The following TOX variants were observed in gnomAD, a reference collection of about 807,000 sequenced individuals.
TOX encodes thymocyte selection associated high mobility group box.
In TOX, 11 loss-of-function variants were observed where a neutral mutation model predicts 53.7. That is an observed-to-expected ratio of 0.20 (90% CI 0.13 to 0.34). The LOEUF is 0.34. TOX is among the 10% of genes least tolerant of loss of function. The pLI is 1.00. For synonymous variants in TOX, 225 were observed against 245.3 expected (o/e 0.92, Z 0.77); for missense variants, 570 against 664.6 (o/e 0.86, Z 1.56).
chr8:59,027,892 G>A (rs929652597), intron 1 of TOX, among the ~76,000 whole-genome samples: 1 of 152,122 alleles, frequency 6.6e-6, no homozygotes, highest in Non-Finnish European at 1.5e-5. Flanking sequence ...CATTCACATG[G>A]TTGTTAGCTG....
intron 1 of TOX, among the ~76,000 whole-genome samples, chr8:59,010,006 A>C (rs1813871201): frequency 6.6e-6 from 1 of 152,226 alleles, no homozygotes; most frequent in Non-Finnish European, 1.5e-5. Flanking sequence ...TTGGAGTTTT[A>C]GTTTGGTTTG....
At chr8:58,946,045 C>T (rs1371133993) in intron 2 of TOX, among the ~76,000 whole-genome samples, 1 of 152,014 alleles carries the variant, frequency 6.6e-6, no homozygotes, top group Non-Finnish European at 1.5e-5. Context: ...ATGGTTATAA[C>T]TTTGTCAAAT....
chr8:58,893,060 T>A (rs1464384575), intron 3 of TOX, among the ~76,000 whole-genome samples: 1 of 152,224 alleles, frequency 6.6e-6, no homozygotes, highest in African/African-American at 2.4e-5. Context: ...TGTCTTTATA[T>A]TACTCTACTA....
At chr8:59,054,918 AAG>A (rs1803862603) in intron 1 of TOX, among the ~76,000 whole-genome samples, 1 of 146,884 alleles carries the variant, frequency 6.8e-6, no homozygotes, top group South Asian at 2.3e-4. Context: ...AAGAAAGAGA[AAG>A]AAAGAAAGAA....
chr8:58,979,087 A>C (rs1813156719), intron 1 of TOX, among the ~76,000 whole-genome samples: 1 of 152,222 alleles, frequency 6.6e-6, no homozygotes, highest in African/African-American at 2.4e-5. Context: ...ATGCCTATTT[A>C]ATGCTCTGCT....
At chr8:59,105,910 G>T (rs57997175) in intron 1 of TOX, among the ~76,000 whole-genome samples, 6,934 of 152,030 alleles carry the variant, frequency 0.046, 543 homozygotes, top group African/African-American at 0.16. Flanking sequence ...TGTAGCCAAA[G>T]TTACCTTACA....
At chr8:58,837,733 G>A (rs1484341242) in intron 5 of TOX, among the ~76,000 whole-genome samples, 1 of 152,216 alleles carries the variant, frequency 6.6e-6, no homozygotes, top group Non-Finnish European at 1.5e-5. Context: ...GTGCTGAAAA[G>A]AGGTGTGGAC....
intron 7 of TOX, among the ~76,000 whole-genome samples, chr8:58,810,535 T>C (rs1284267756): frequency 6.6e-6 from 1 of 151,932 alleles, no homozygotes. Context: ...GTATGTGTTG[T>C]AGAGACATAG....
chr8:58,997,858 T>C (rs1044546178), intron 1 of TOX, among the ~76,000 whole-genome samples: 1 of 152,132 alleles, frequency 6.6e-6, no homozygotes, highest in Non-Finnish European at 1.5e-5. Flanking sequence ...AGTGGCGCGA[T>C]CTTGGCTCAC....
At chr8:59,115,844 C>T (rs1021577313) in intron 1 of TOX, among the ~76,000 whole-genome samples, 4 of 152,048 alleles carry the variant, frequency 2.6e-5, no homozygotes, top group Admixed American at 6.6e-5. Flanking sequence ...GGCTACTTTG[C>T]ATAGTGATAT....
intron 1 of TOX, among the ~76,000 whole-genome samples, chr8:59,101,755 T>C (rs926015873): frequency 3.9e-5 from 6 of 152,292 alleles, no homozygotes; most frequent in Admixed American, 1.3e-4. Flanking sequence ...AGATTAAGGC[T>C]AAAATGAGGA....
intron 3 of TOX, among the ~76,000 whole-genome samples, chr8:58,926,040 T>C (rs1812153898): frequency 6.6e-6 from 1 of 152,206 alleles, no homozygotes; most frequent in African/African-American, 2.4e-5. Context: ...ATGCAGTCAG[T>C]TGAGTGCCTG....
intron 1 of TOX, among the ~76,000 whole-genome samples, chr8:58,962,622 A>G (rs1812819889): frequency 3.3e-5 from 5 of 152,216 alleles, no homozygotes; most frequent in Admixed American, 3.3e-4. Flanking sequence ...TCAAAAAATT[A>G]TCAAAGCAGA....
At chr8:59,093,732 T>C (rs1448632342) in intron 1 of TOX, among the ~76,000 whole-genome samples, 1 of 152,186 alleles carries the variant, frequency 6.6e-6, no homozygotes, top group East Asian at 1.9e-4. Flanking sequence ...CTCAGTTAAA[T>C]AGTAGAGTTA....
intron 1 of TOX, among the ~76,000 whole-genome samples, chr8:59,109,499 G>T (rs999089009): frequency 6.6e-6 from 1 of 152,062 alleles, no homozygotes; most frequent in Non-Finnish European, 1.5e-5. Context: ...GCTGACCTTT[G>T]CTATGTTGAT....
chr8:58,863,838 A>G (rs1412075077), intron 3 of TOX, among the ~76,000 whole-genome samples: 2 of 152,188 alleles, frequency 1.3e-5, no homozygotes, highest in East Asian at 3.8e-4. Context: ...CACAGCCTGG[A>G]AGACATACTA....
chr8:58,928,013 C>G (rs899369876), intron 3 of TOX, among the ~76,000 whole-genome samples: 1 of 152,180 alleles, frequency 6.6e-6, no homozygotes, highest in South Asian at 2.1e-4. Flanking sequence ...CAACACTCCC[C>G]GGACAAGTTA....
At chr8:58,997,247 C>A (rs1277935269) in intron 1 of TOX, among the ~76,000 whole-genome samples, 24 of 152,046 alleles carry the variant, frequency 1.6e-4, no homozygotes, top group Admixed American at 1.5e-3. Flanking sequence ...ACAACTAGAA[C>A]AGGTGGGGGC....
intron 1 of TOX, among the ~76,000 whole-genome samples, chr8:59,088,831 T>C (rs1285614889): frequency 6.6e-6 from 1 of 152,200 alleles, no homozygotes; most frequent in Admixed American, 6.5e-5. Context: ...TTGGGTATCC[T>C]TGCACAATGA....
Sources: allele counts gnomAD v4.1 joint callset (sites outside exome capture counted in the v4.1 genomes callset), GRCh38; gene constraint gnomAD v4.1.1; transcripts MANE v1.5; gene names NCBI Gene and HGNC (gene_info 2026-07-23, HGNC 2026-07-21).